The following RGS12 variants were observed in gnomAD, a reference collection of about 807,000 sequenced individuals.
RGS12 encodes regulator of G-protein signaling 12.
In RGS12, 66 loss-of-function variants were observed where a neutral mutation model predicts 120.1. The observed-to-expected ratio is 0.55, with a 90% CI of 0.45 to 0.67. The LOEUF (loss-of-function observed/expected upper bound fraction) is 0.67. Ranked by LOEUF, RGS12 falls within the 30% of genes least tolerant of loss-of-function variation. The probability of loss-of-function intolerance (pLI) is 0.00; values close to 1 mark genes in which losing one functional copy is unlikely to be tolerated. For missense variants in RGS12, 1,859 were observed against 1,957.7 expected (o/e 0.95, Z 0.95); for synonymous variants, 827 against 804.7 (o/e 1.03, Z -0.47).
intron 3 of RGS12, among the ~76,000 whole-genome samples, chr4:3,368,843 A>G (rs1349112903): frequency 6.6e-6 from 1 of 151,898 alleles, no homozygotes; most frequent in Non-Finnish European, 1.5e-5. Context: ...TAGCCCAGGA[A>G]TGGTGATGTG....
At chr4:3,427,235 T>C (rs1410451126) in intron 14 of RGS12, among the ~76,000 whole-genome samples, 6 of 152,218 alleles carry the variant, frequency 3.9e-5, no homozygotes, top group Non-Finnish European at 8.8e-5. Flanking sequence ...GCTGACCCTC[T>C]GTGCCCAGGG....
chr4:3,369,757 T>G (rs550563388), intron 3 of RGS12: 1 of 153,316 alleles, frequency 6.5e-6, no homozygotes, highest in Non-Finnish European at 1.5e-5. Context: ...GCTTTCTGGT[T>G]GTTTCATATA....
intron 3 of RGS12, among the ~76,000 whole-genome samples, chr4:3,348,503 A>G (rs535203679): frequency 1.3e-4 from 20 of 152,322 alleles, no homozygotes; most frequent in Admixed American, 4.6e-4. Flanking sequence ...AATGAGACAT[A>G]GGAAGAGGGT....
intron 5 of RGS12, 191 bp from the exon 6 acceptor site, chr4:3,414,561 T>C: frequency 1.6e-6 from 1 of 606,472 alleles, no homozygotes; most frequent in East Asian, 2.8e-5. Context: ...AAGAGATGTT[T>C]TGCTTTTGGG....
chr4:3,421,635 T>G (rs1460350565), intron 10 of RGS12, among the ~76,000 whole-genome samples: 1 of 152,230 alleles, frequency 6.6e-6, no homozygotes, highest in African/African-American at 2.4e-5. Flanking sequence ...ACAGGACCCT[T>G]CGTTCGCCTC....
chr4:3,306,494 CTTT>C (rs1723974060), intron 1 of RGS12, among the ~76,000 whole-genome samples: 1 of 152,238 alleles, frequency 6.6e-6, no homozygotes, highest in Non-Finnish European at 1.5e-5. Flanking sequence ...ATCTAAATTT[CTTT>C]AGCATAACTG....
At chr4:3,327,177 G>GAGA (rs1457403966) in intron 2 of RGS12, among the ~76,000 whole-genome samples, 1 of 152,162 alleles carries the variant, frequency 6.6e-6, no homozygotes, top group African/African-American at 2.4e-5. Flanking sequence ...CAAAGTTAAC[G>GAGA]AGAGCATACA....
Position 3,420,592 on chromosome 4 carries a change from G to A in RGS12, c.2762-50G>A, listed in dbSNP as rs558696064. The A allele has an allele frequency of 1.4e-5, 23 of 1,587,086 alleles. No individual in the cohort carries two copies. The East Asian group carries it at 1.8e-4, about 12-fold the overall frequency. ...GGGCAGAGGGTTGGGAGATGTGACC[G>A]AATAAACAGGGTTCTGATTGACGTG... On this transcript the variant is annotated intron_variant, in intron 9 of 17. Coordinates refer to ENST00000336727, the MANE Select transcript of RGS12 (RefSeq NM_001394154.1).
chr4:3,309,743 G>A (rs1578693816), intron 1 of RGS12, among the ~76,000 whole-genome samples: 1 of 134,900 alleles, frequency 7.4e-6, no homozygotes, highest in Non-Finnish European at 1.6e-5. Flanking sequence ...TCTGAGGAGA[G>A]CTGAGCAGGA....
intron 17 of RGS12, among the ~76,000 whole-genome samples, chr4:3,438,281 C>T (rs1435111778): frequency 6.6e-6 from 1 of 151,974 alleles, no homozygotes; most frequent in Admixed American, 6.5e-5. Context: ...AGCTCCTGGA[C>T]CCCTGCCTAG....
intron 16 of RGS12, among the ~76,000 whole-genome samples, chr4:3,429,750 G>A (rs1359735126): frequency 1.3e-5 from 2 of 152,212 alleles, no homozygotes; most frequent in African/African-American, 4.8e-5. Context: ...GAGGCCCAGG[G>A]GCACCCGTCC....
intron 2 of RGS12, among the ~76,000 whole-genome samples, chr4:3,337,367 T>A (rs1712591041): frequency 1.3e-5 from 2 of 152,202 alleles, no homozygotes. Flanking sequence ...TACTTCTACG[T>A]ATATACCCAA....
chr4:3,408,380 C>T lies in RGS12; in HGVS notation c.2021-5692C>T, dbSNP rs114269274. Among the ~76,000 whole-genome samples, 63 of 152,220 alleles carry T rather than the reference C, an allele frequency of 4.1e-4. 2 individuals are homozygous for T. The highest frequency in any genetic ancestry group is 6.3e-4 in the Non-Finnish European group (43 of 68,014). Reference sequence around the variant, plus strand: ...GAGTGTTAGAGAGGAGACGACTTTCCGTGTGTGTTGAGCCACGTAGCAAAG... The same window carrying T: ...GAGTGTTAGAGAGGAGACGACTTTCTGTGTGTGTTGAGCCACGTAGCAAAG... On this transcript the variant is annotated intron_variant, in intron 4 of 17. Transcript: ENST00000336727.
intron 14 of RGS12, among the ~76,000 whole-genome samples, 187 bp downstream of exon 14, chr4:3,425,747 G>A (rs1481978374): frequency 2.7e-5 from 2 of 73,990 alleles, no homozygotes; most frequent in African/African-American, 1.3e-4. Flanking sequence ...CCAGCGCAGG[G>A]GAGGGGGCTG....
chr4:3,309,001 C>G (rs1257160758), intron 1 of RGS12, among the ~76,000 whole-genome samples: 1 of 152,234 alleles, frequency 6.6e-6, no homozygotes, highest in Non-Finnish European at 1.5e-5. Flanking sequence ...CTGAGGGGAA[C>G]CGGGCAGGGG....
At position 3,425,460 on chromosome 4, in the gene RGS12, C is replaced by G. The variant is rs1723509049; in HGVS notation, c.3235-4C>G. ...AAATTATTCAGTGCTGATCTCTGCC[C>G]TAGAGTGGAGAGAAGGAGCCCCTGG... On this transcript the variant is annotated splice_polypyrimidine_tract_variant and splice_region_variant and intron_variant, in intron 13 of 17. Coordinates refer to ENST00000336727, the MANE Select transcript of RGS12 (RefSeq NM_001394154.1). The G allele has an allele frequency of 6.2e-7, 1 of 1,611,372 alleles. No homozygotes were observed. The highest frequency in any genetic ancestry group is 8.5e-7 in the Non-Finnish European group (1 of 1,178,970).
intron 16 of RGS12, 26 bp downstream of exon 16, chr4:3,428,737 C>A: frequency 6.4e-7 from 1 of 1,563,042 alleles, no homozygotes. Flanking sequence ...AAAACTTCCA[C>A]GTTTTTAGTA....
chr4:3,286,986 G>T, the RGS12 span, among the ~76,000 whole-genome samples: 34 of 152,310 alleles, frequency 2.2e-4, no homozygotes, highest in African/African-American at 7.9e-4. Context: ...GGTGATCTGG[G>T]ACTTGATGGG....
chr4:3,340,578 A>G (rs989682292), intron 2 of RGS12, among the ~76,000 whole-genome samples: 1 of 152,230 alleles, frequency 6.6e-6, no homozygotes, highest in African/African-American at 2.4e-5. Flanking sequence ...GTCACCACAG[A>G]AGAGCACGCT....
Sources: gnomAD v4.1 joint callset for allele counts (sites outside exome capture counted in the v4.1 genomes callset) on GRCh38, gnomAD v4.1.1 for gene constraint, MANE v1.5 for transcripts, NCBI Gene and HGNC (gene_info 2026-07-23, HGNC 2026-07-21) for gene names.